The following KCNK2 variants were observed in gnomAD, a reference collection of about 807,000 sequenced individuals.
The protein encoded by KCNK2 is potassium two pore domain channel subfamily K member 2.
KCNK2 carries 21 observed loss-of-function variants against 40.5 expected under a neutral mutation model. The ratio of observed to expected loss-of-function variants is 0.52; its 90% confidence interval spans 0.37 to 0.75. The LOEUF (loss-of-function observed/expected upper bound fraction) is 0.75. KCNK2 is among the 30% of genes least tolerant of loss of function. The probability of loss-of-function intolerance (pLI) is 0.00; values close to 1 mark genes in which losing one functional copy is unlikely to be tolerated. For missense variants in KCNK2, 399 were observed against 531.6 expected (o/e 0.75, Z 2.45); for synonymous variants, 191 against 202.2 (o/e 0.94, Z 0.47).
At position 215,172,005 on chromosome 1, in the gene KCNK2, T is replaced by G. The variant is rs768014769; in HGVS notation, c.645T>G (p.Asn215Lys). 1 of 1,611,468 alleles carries G rather than the reference T, an allele frequency of 6.2e-7. No homozygotes were observed. The highest frequency in any genetic ancestry group is 1.3e-5 in the African/African-American group (1 of 74,784). The change falls in exon 5 of 7, where the codon AAT (asparagine) becomes AAG (lysine). Residue 215 changes from asparagine (N) to lysine (K), a missense_variant. Coordinates refer to ENST00000444842, the MANE Select transcript of KCNK2 (RefSeq NM_001017425.3). ...TTCTGTCTCATCCCTAGAAGTGGAA[T>G]GTTAGTCAGACCAAGATTCGCATCA... ...AKVEDTFIKW[N>K]VSQTKIRIIS...
In KCNK2 at chr1:215,022,643, C is replaced by A. The variant is rs184071596; in HGVS notation, c.34+16688C>A. 2.0e-5 allele frequency among the ~76,000 whole-genome samples: 3 copies of A among 152,232 alleles called. No homozygotes were observed. The East Asian group carries it at 5.8e-4, about 29-fold the overall frequency. On this transcript the variant is annotated intron_variant, in intron 1 of 6. Transcript: ENST00000391895. Reference sequence around the variant, plus strand: ...TAAGTTCCAGGTCACGGGCTCCATTCAAATCCCTAAACTTGTCTGAAGATG... The same window carrying A: ...TAAGTTCCAGGTCACGGGCTCCATTAAAATCCCTAAACTTGTCTGAAGATG...
intron 3 of KCNK2, among the ~76,000 whole-genome samples, chr1:215,161,823 T>A (rs1663210340): frequency 6.6e-6 from 1 of 152,204 alleles, no homozygotes; most frequent in Non-Finnish European, 1.5e-5. Context: ...ATCCAGTTTG[T>A]CATTGATGGG....
At chr1:215,046,042 G>A (rs930976214) in intron 1 of KCNK2, among the ~76,000 whole-genome samples, 4 of 152,110 alleles carry the variant, frequency 2.6e-5, no homozygotes, top group Non-Finnish European at 5.9e-5. Flanking sequence ...TGTAACCGTG[G>A]AAAAATCTGG....
chr1:215,007,187 A>ATG (rs1656204361), intron 1 of KCNK2, among the ~76,000 whole-genome samples: 2 of 8,974 alleles, frequency 2.2e-4, no homozygotes, highest in African/African-American at 3.7e-4. Flanking sequence ...GTGTGTGGGT[A>ATG]TATATATATA....
chr1:215,175,968 T>C (rs960428381), intron 5 of KCNK2, among the ~76,000 whole-genome samples: 1 of 152,092 alleles, frequency 6.6e-6, no homozygotes, highest in African/African-American at 2.4e-5. Flanking sequence ...CACATGTGTG[T>C]ATGTGACTTT....
upstream of KCNK2, chr1:215,082,077 G>C (rs1659179026): frequency 6.6e-6 from 1 of 152,216 alleles, no homozygotes; most frequent in Non-Finnish European, 1.5e-5. Context: ...GTCTTGCTCT[G>C]AGAGAACCTA....
At position 215,124,389 on chromosome 1, in the gene KCNK2, G is replaced by T. The variant is rs188728175; in HGVS notation, c.358-244G>T. ...ATGGATGACAATATGAAAGCATGTT[G>T]GTGCAATATTATAACCTTCATGCCA... On this transcript the variant is annotated intron_variant, in intron 2 of 6. Coordinates refer to ENST00000444842, the MANE Select transcript of KCNK2 (RefSeq NM_001017425.3). 3.3e-5 allele frequency among the ~76,000 whole-genome samples: 5 copies of T among 152,142 alleles called. No homozygotes were observed. The East Asian group carries it at 9.6e-4, about 29-fold the overall frequency.
chr1:215,057,266 T>C (rs1246745459), intron 1 of KCNK2, among the ~76,000 whole-genome samples: 1 of 151,408 alleles, frequency 6.6e-6, no homozygotes, highest in East Asian at 1.9e-4. Context: ...TATAGGATAA[T>C]CATATTTTTT....
In KCNK2 at chr1:215,230,515, ATATATATATATATATATG is replaced by A. The variant is rs1199808980; in HGVS notation, c.964-4302_964-4285del. On this transcript the variant is annotated intron_variant, in intron 6 of 6. Coordinates refer to ENST00000444842, the MANE Select transcript of KCNK2 (RefSeq NM_001017425.3). ...CACACACACACACGGCTGTATATAT[ATATATATATATATATATG>A]TATATATATACACACACATAACAGC... 1.6e-4 allele frequency among the ~76,000 whole-genome samples: 11 copies of A among 68,578 alleles called. 1 individual carries two copies. The highest frequency in any genetic ancestry group is 2.8e-4 in the Non-Finnish European group (10 of 35,616). 45.0% of individuals were successfully genotyped at this position (68,578 alleles called of 152,430 possible).
chr1:215,178,096 G>A (rs1664062785), intron 5 of KCNK2, among the ~76,000 whole-genome samples: 1 of 151,564 alleles, frequency 6.6e-6, no homozygotes, highest in African/African-American at 2.4e-5. Flanking sequence ...CACTTCCTTG[G>A]CTAGATGTAT....
chr1:215,112,736 A>G (rs1660748157), intron 2 of KCNK2, among the ~76,000 whole-genome samples: 1 of 152,172 alleles, frequency 6.6e-6, no homozygotes, highest in Middle Eastern at 3.4e-3. Context: ...CACAAATACC[A>G]TTGTCTTACA....
At chr1:215,194,075 C>A (rs1571715067) in intron 5 of KCNK2, among the ~76,000 whole-genome samples, 1 of 152,012 alleles carries the variant, frequency 6.6e-6, no homozygotes, top group Non-Finnish European at 1.5e-5. Flanking sequence ...ATTTCTTGGG[C>A]TAAATTATGA....
At chr1:215,008,882 T>C (rs1656279502) in intron 1 of KCNK2, among the ~76,000 whole-genome samples, 1 of 152,082 alleles carries the variant, frequency 6.6e-6, no homozygotes, top group African/African-American at 2.4e-5. Flanking sequence ...TTAAAGAAAG[T>C]AATGTGTTCT....
chr1:215,085,536 T>C (rs184368974), intron 1 of KCNK2, among the ~76,000 whole-genome samples: 1 of 152,190 alleles, frequency 6.6e-6, no homozygotes, highest in Non-Finnish European at 1.5e-5. Context: ...AATGGAGCAA[T>C]TAGCTTTGAA....
At chr1:215,090,708 C>A (rs1659657171) in intron 2 of KCNK2, among the ~76,000 whole-genome samples, 2 of 152,072 alleles carry the variant, frequency 1.3e-5, no homozygotes, top group South Asian at 4.1e-4. Context: ...ATAAAAATAT[C>A]TTATAGGACA....
chr1:215,162,279 C>T (rs1663234824), intron 3 of KCNK2, among the ~76,000 whole-genome samples: 1 of 151,810 alleles, frequency 6.6e-6, no homozygotes, highest in African/African-American at 2.4e-5. Flanking sequence ...TTGTTTTTTT[C>T]TTGTAAATTT....
chr1:215,041,042 TCTC>T (rs1210389417), intron 1 of KCNK2, among the ~76,000 whole-genome samples: 1 of 152,146 alleles, frequency 6.6e-6, no homozygotes, highest in Non-Finnish European at 1.5e-5. Flanking sequence ...GTTTCACTCT[TCTC>T]CTCATCTACC....
chr1:215,196,433 G>A (rs979145592), intron 6 of KCNK2, among the ~76,000 whole-genome samples: 1 of 152,080 alleles, frequency 6.6e-6, no homozygotes, highest in South Asian at 2.1e-4. Flanking sequence ...GTGTGAACTA[G>A]CAAGAATGTA....
intron 2 of KCNK2, among the ~76,000 whole-genome samples, chr1:215,097,615 T>G (rs557352218): frequency 6.6e-6 from 1 of 152,026 alleles, no homozygotes; most frequent in African/African-American, 2.4e-5. Context: ...TTTTCTCTAA[T>G]GGTTAGTAGC....
Sources: gnomAD v4.1 joint callset for allele counts (sites outside exome capture counted in the v4.1 genomes callset) on GRCh38, gnomAD v4.1.1 for gene constraint, MANE v1.5 for transcripts, NCBI Gene and HGNC (gene_info 2026-07-23, HGNC 2026-07-21) for gene names.